The following NBAS variants were observed in gnomAD, a reference collection of about 807,000 sequenced individuals.
The protein encoded by NBAS is NAG/BC035112 fusion.
A neutral mutation model predicts 302.5 loss-of-function variants in NBAS; 219 were observed. The ratio of observed to expected loss-of-function variants is 0.72; its 90% CI spans 0.65 to 0.81. The LOEUF is 0.81. Ranked by LOEUF, NBAS falls within the 30% of genes least tolerant of loss-of-function variation. The probability of loss-of-function intolerance (pLI) is 0.00; values close to 1 mark genes in which losing one functional copy is unlikely to be tolerated. For missense variants in NBAS, 2,932 were observed against 2,841.6 expected, an observed-to-expected ratio of 1.03 and a Z score of -0.72; for synonymous variants, 1,118 against 1,021.6, an observed-to-expected ratio of 1.09 and a Z score of -1.80.
intron 45 of NBAS, among the ~76,000 whole-genome samples, chr2:15,236,813 T>C (rs1667616627): frequency 6.6e-6 from 1 of 152,224 alleles, no homozygotes; most frequent in Middle Eastern, 3.4e-3. Flanking sequence ...AAGCCTTCTA[T>C]ATTGTTCATA....
At chr2:15,427,897 A>T in intron 21 of NBAS, 103 bp from the exon 22 acceptor site, 1 of 836,200 alleles carries the variant, frequency 1.2e-6, no homozygotes, top group Non-Finnish European at 2.0e-6. Context: ...ATTAATATCT[A>T]AGATTCATGC....
At chr2:15,444,095 T>C (rs1678593142) in intron 21 of NBAS, among the ~76,000 whole-genome samples, 2 of 151,770 alleles carry the variant, frequency 1.3e-5, no homozygotes, top group East Asian at 1.9e-4. Flanking sequence ...AATTTATAGA[T>C]TCAATGCCAT....
the NBAS span, among the ~76,000 whole-genome samples, chr2:14,973,817 G>C: frequency 6.6e-6 from 1 of 152,104 alleles, no homozygotes; most frequent in South Asian, 2.1e-4. Context: ...ATTATTATAT[G>C]CATTTAGCAG....
At chr2:15,203,878 GTGTGTGTGTGCT>G (rs1266486311) in intron 48 of NBAS, among the ~76,000 whole-genome samples, 214 of 132,304 alleles carry the variant, frequency 1.6e-3, no homozygotes, top group African/African-American at 4.5e-3. Context: ...GTCTGTGTGT[GTGTGTGTGTGCT>G]TGTGTGTGTG....
intron 40 of NBAS, among the ~76,000 whole-genome samples, chr2:15,298,311 G>C (rs189403591): frequency 3.3e-4 from 51 of 152,256 alleles, no homozygotes; most frequent in Admixed American, 2.5e-3. Context: ...TCAATTTATT[G>C]TATAAAACAT....
intron 3 of NBAS, among the ~76,000 whole-genome samples, chr2:15,556,334 T>C (rs190895812): frequency 3.9e-5 from 6 of 152,280 alleles, no homozygotes; most frequent in South Asian, 2.1e-4. Context: ...AAGCTGGAAA[T>C]TAGCATCATC....
At chr2:14,925,685 G>C in the NBAS span, among the ~76,000 whole-genome samples, 1 of 152,072 alleles carries the variant, frequency 6.6e-6, no homozygotes, top group Non-Finnish European at 1.5e-5. Flanking sequence ...CCACCCACAC[G>C]GAATGGTTTA....
intron 9 of NBAS, among the ~76,000 whole-genome samples, chr2:15,515,759 C>T (rs998913069): frequency 1.7e-4 from 26 of 152,016 alleles, no homozygotes; most frequent in African/African-American, 5.8e-4. Flanking sequence ...AATAAAGTTC[C>T]ACTGGTAAAA....
the NBAS span, among the ~76,000 whole-genome samples, chr2:14,899,639 T>C: frequency 6.6e-6 from 1 of 152,226 alleles, no homozygotes; most frequent in African/African-American, 2.4e-5. Flanking sequence ...TATGACTTGA[T>C]GTGATCATAA....
the NBAS span, among the ~76,000 whole-genome samples, chr2:14,985,544 T>C: frequency 1.1e-4 from 16 of 152,236 alleles, no homozygotes; most frequent in African/African-American, 3.9e-4. Flanking sequence ...GACAAGAGTG[T>C]ATAAAAAATA....
chr2:15,102,666 G>T, the NBAS span, among the ~76,000 whole-genome samples: 9 of 152,072 alleles, frequency 5.9e-5, no homozygotes, highest in Admixed American at 4.6e-4. Context: ...CAAGGTACTT[G>T]AAATGTTCTT....
chr2:15,264,941 T>C (rs534720587), intron 44 of NBAS, among the ~76,000 whole-genome samples: 9 of 152,208 alleles, frequency 5.9e-5, no homozygotes, highest in African/African-American at 1.9e-4. Context: ...ATTATTATTA[T>C]GTGGTGACAC....
intron 42 of NBAS, among the ~76,000 whole-genome samples, chr2:15,278,185 G>T (rs1454565543): frequency 1.3e-5 from 2 of 152,204 alleles, no homozygotes; most frequent in Non-Finnish European, 2.9e-5. Flanking sequence ...ACTTTCAGGG[G>T]AATGTGACAA....
chr2:15,510,686 G>A (rs1294057597), intron 10 of NBAS, among the ~76,000 whole-genome samples: 2 of 152,162 alleles, frequency 1.3e-5, no homozygotes, highest in Non-Finnish European at 2.9e-5. Context: ...AGTATAGAAT[G>A]AATGGATGGA....
At chr2:15,397,513 T>C (rs1281358621) in intron 26 of NBAS, 1 of 597,768 alleles carries the variant, frequency 1.7e-6, no homozygotes, top group East Asian at 4.4e-5. Context: ...CCTTGCAGGC[T>C]TCATGATATC....
the NBAS span, among the ~76,000 whole-genome samples, chr2:14,835,808 T>A: frequency 1.3e-5 from 2 of 151,958 alleles, no homozygotes; most frequent in East Asian, 3.9e-4. Context: ...CTAACAGACG[T>A]TTCTGTTGGG....
intron 40 of NBAS, among the ~76,000 whole-genome samples, chr2:15,303,027 G>T (rs891854755): frequency 5.9e-5 from 9 of 152,222 alleles, no homozygotes; most frequent in African/African-American, 2.2e-4. Context: ...CTGCACTGTC[G>T]GCTTCCCTTC....
chr2:14,796,396 A>G, the NBAS span, among the ~76,000 whole-genome samples: 1 of 152,148 alleles, frequency 6.6e-6, no homozygotes, highest in Non-Finnish European at 1.5e-5. Context: ...TGGGATTTTG[A>G]TTGAGTTTAC....
At chr2:14,980,543 G>C in the NBAS span, among the ~76,000 whole-genome samples, 1 of 152,052 alleles carries the variant, frequency 6.6e-6, no homozygotes, top group Admixed American at 6.6e-5. Context: ...CCAACAAAAC[G>C]GGCAACTTGC....
Sources: gnomAD v4.1 joint callset for allele counts (sites outside exome capture counted in the v4.1 genomes callset) on GRCh38, gnomAD v4.1.1 for gene constraint, MANE v1.5 for transcripts, NCBI Gene and HGNC (gene_info 2026-07-23, HGNC 2026-07-21) for gene names.